SPACA6: variants seen among roughly 807,000 people sequenced by gnomAD.
SPACA6 encodes the protein sperm acrosome membrane-associated protein 6.
For missense variants in SPACA6, 8 were observed against 2.8 expected (o/e 2.88, Z -1.34); for synonymous variants, 6 against 1.5 (o/e 4.05, Z -2.21).
upstream of SPACA6, chr19:51,692,527 G>C: frequency 2.2e-6 from 1 of 455,166 alleles, no homozygotes; most frequent in Non-Finnish European, 4.3e-6. The surrounding 1 kb of genome is among the most constrained non-coding windows in gnomAD (Gnocchi z 5.6). Context: ...CTTGACTCCA[G>C]GGTCCCTGAT....
At chr19:51,704,581 G>A (rs1239898090) in intron 8 of SPACA6, 101 bp downstream of exon 8, 1 of 399,712 alleles carries the variant, frequency 2.5e-6, no homozygotes, top group Non-Finnish European at 4.4e-6. Flanking sequence ...CAGGAGGTCA[G>A]GCTTTCAGTT....
At chr19:51,687,801 G>T (rs1485683226), upstream of SPACA6, 1 of 152,170 alleles carries the variant, frequency 6.6e-6, no homozygotes, top group African/African-American at 2.4e-5. Context: ...CCCATTGAAA[G>T]CAACTCCTGC....
At chr19:51,711,631 A>G (rs1243796489) in intron 2 of SPACA6, among the ~76,000 whole-genome samples, 2 of 152,204 alleles carry the variant, frequency 1.3e-5, no homozygotes, top group Non-Finnish European at 1.5e-5. Context: ...AGAGGTGGAG[A>G]TATCCCAAAT....
chr19:51,701,756 G>GACACAC, intron 3 of SPACA6, 30 bp downstream of exon 3: 1 of 394,500 alleles, frequency 2.5e-6, no homozygotes. Flanking sequence ...TCCTTCCCCA[G>GACACAC]ACACACACAC....
At chr19:51,712,167 A>G (rs2083544514) in exon 3 of SPACA6, 1 of 152,130 alleles carries the variant, frequency 6.6e-6, no homozygotes, top group Non-Finnish European at 1.5e-5. Context: ...ACATGCCACC[A>G]TGCCTGGCTA....
At chr19:51,711,601 TAGCATCATTCATAC>T (rs1435015201) in intron 2 of SPACA6, among the ~76,000 whole-genome samples, 1 of 152,220 alleles carries the variant, frequency 6.6e-6, no homozygotes, top group Non-Finnish European at 1.5e-5. Context: ...ATGTTCATAG[TAGCATCATTCATAC>T]AGCCAAGAGG....
At chr19:51,708,323 T>C (rs1373881461), downstream of SPACA6, among the ~76,000 whole-genome samples, 2 of 151,884 alleles carry the variant, frequency 1.3e-5, no homozygotes, top group Non-Finnish European at 2.9e-5. Flanking sequence ...ACACCAAATA[T>C]GTATTTCTTA....
downstream of SPACA6, among the ~76,000 whole-genome samples, chr19:51,708,616 C>T (rs975919390): frequency 3.9e-5 from 6 of 152,060 alleles, no homozygotes; most frequent in Non-Finnish European, 8.8e-5. Flanking sequence ...TACCTGAGGT[C>T]AGGAGTTCAA....
downstream of SPACA6, among the ~76,000 whole-genome samples, chr19:51,708,734 C>T (rs190369966): frequency 3.3e-5 from 5 of 152,018 alleles, no homozygotes; most frequent in African/African-American, 7.2e-5. Flanking sequence ...GGCTGAAGCA[C>T]GAGAATTGCT....
chr19:51,712,464 T>C (rs1310825470), downstream of SPACA6: 3 of 152,242 alleles, frequency 2.0e-5, no homozygotes, highest in African/African-American at 7.2e-5. Flanking sequence ...GTCTTAAAAG[T>C]GGGAGAGTAA....
chr19:51,692,821 G>T (rs751495109), upstream of SPACA6: 1 of 534,466 alleles, frequency 1.9e-6, no homozygotes, highest in South Asian at 1.4e-5. The surrounding 1 kb of genome is among the most constrained non-coding windows in gnomAD (Gnocchi z 5.6). Flanking sequence ...AGTTGAGGAG[G>T]ACACCCAAGG....
downstream of SPACA6, chr19:51,705,333 T>A: frequency 2.7e-6 from 1 of 376,612 alleles, no homozygotes; most frequent in East Asian, 3.8e-5. Flanking sequence ...GGAACCCAGA[T>A]ACCCCCTCAG....
chr19:51,704,120 G>A lies in SPACA6; in HGVS notation c.664G>A (p.Gly222Arg), dbSNP rs991516701. Residue 222 changes from glycine (G) to arginine (R), a missense_variant, in exon 7 of 9, where the codon GGG becomes AGG. By Grantham distance (125) the Gly-to-Arg change is moderately radical. Transcript: ENST00000637797. ...RIRPAQLTHR[G>R]TFSCVIKQDQ... ...CCGGCCGGCTCAGCTCACGCACCGC[G>A]GGACGTTCTCCTGCGTGATCAAGCA... The A allele has an allele frequency of 1.5e-4, 61 of 401,090 alleles. No individual in the cohort carries two copies. The highest frequency in any genetic ancestry group is 2.7e-4 in the Non-Finnish European group (60 of 226,226). The allele number at this position is 401,090 out of a possible 1,614,324, so 24.8% of individuals were successfully genotyped here.
intron 2 of SPACA6, 98 bp from the exon 3 acceptor site, chr19:51,701,560 G>GCCTAGC (rs1039249231): frequency 1.1e-4 from 45 of 394,262 alleles, no homozygotes; most frequent in Admixed American, 7.5e-4. Flanking sequence ...GCTAGGGCCA[G>GCCTAGC]CCTAGCCCTA....
intron 2 of SPACA6, among the ~76,000 whole-genome samples, chr19:51,711,555 T>C (rs999830127): frequency 6.6e-6 from 1 of 151,988 alleles, no homozygotes; most frequent in African/African-American, 2.4e-5. Context: ...CCCAAGAAAA[T>C]TAAAAAGCTG....
chr19:51,687,587 T>C (rs2083334582), upstream of SPACA6: 1 of 151,512 alleles, frequency 6.6e-6, no homozygotes, highest in African/African-American at 2.4e-5. Context: ...ATAAAATTCC[T>C]CTGGAAAGAT....
At chr19:51,708,930 TGGGAGGACAGCC>T (rs2083529293), downstream of SPACA6, among the ~76,000 whole-genome samples, 1 of 150,126 alleles carries the variant, frequency 6.7e-6, no homozygotes, top group African/African-American at 2.5e-5. Context: ...GCCAGGCACA[TGGGAGGACAGCC>T]GGGAGGACAT....
chr19:51,692,712 C>T (rs760956719), upstream of SPACA6: 16 of 533,548 alleles, frequency 3.0e-5, no homozygotes, highest in South Asian at 5.6e-5. The surrounding 1 kb of genome is among the most constrained non-coding windows in gnomAD (Gnocchi z 5.6). Flanking sequence ...GGGGCCTCCC[C>T]GGCCCTCCCC....
chr19:51,690,720 TC>T (rs1215078196), upstream of SPACA6, among the ~76,000 whole-genome samples: 1 of 152,106 alleles, frequency 6.6e-6, no homozygotes, highest in African/African-American at 2.4e-5. Context: ...CTTGAACAAG[TC>T]CTGACCCTTC....
Sources: gnomAD v4.1 joint callset for allele counts (sites outside exome capture counted in the v4.1 genomes callset) on GRCh38, gnomAD v4.1.1 for gene constraint, Gnocchi (gnomAD v3.1) non-coding constraint, MANE v1.5 for transcripts, NCBI Gene and HGNC (gene_info 2026-07-23, HGNC 2026-07-21) for gene names.